Variants in SLF1 observed in about 807,000 individuals in gnomAD.
SLF1 encodes the protein SMC5/6 complex localization factor 1.
In SLF1, 105 loss-of-function variants were observed where a neutral mutation model predicts 123.0. The observed-to-expected ratio is 0.85, with a 90% CI of 0.73 to 1.00. The LOEUF (loss-of-function observed/expected upper bound fraction) is 1.00. Ranked by LOEUF, SLF1 falls within the 50% of genes least tolerant of loss-of-function variation. The pLI is 0.00. For synonymous variants in SLF1, 434 were observed against 406.6 expected, an observed-to-expected ratio of 1.07 and a Z score of -0.81; for missense variants, 1,239 against 1,223.0, an observed-to-expected ratio of 1.01 and a Z score of -0.20.
At position 94,689,361 on chromosome 5, in the gene SLF1, G is replaced by GT. The variant is rs1245704545; in HGVS notation, c.2286-111dup. ...TTAGAAAGCAGTAAAGATTGAATGA[G>GT]TAAGGGAGTTTAAATTAAAAGGGGG... On this transcript the variant is annotated intron_variant, in intron 17 of 20. Transcript: ENST00000265140. 71 of 1,112,724 alleles carry GT rather than the reference G, an allele frequency of 6.4e-5. No individual in the cohort carries two copies. The African/African-American group carries it at 9.4e-4, about 15-fold the overall frequency. The allele number at this position is 1,112,724 out of a possible 1,614,324, so 68.9% of individuals were successfully genotyped here. A position where few individuals can be genotyped will look rare whatever the true frequency, so the allele number is the denominator to read the frequency against.
At chr5:94,662,488 A>C in intron 10 of SLF1, 137 bp downstream of exon 10, 1 of 633,266 alleles carries the variant, frequency 1.6e-6, no homozygotes. Flanking sequence ...AAAGAAATAT[A>C]GCTTCTCTAA....
chr5:94,671,619 G>A lies in SLF1; in HGVS notation c.1827+611G>A, dbSNP rs796537864. Among the ~76,000 whole-genome samples the A allele has an allele frequency of 2.5e-4, 36 of 145,292 alleles. No homozygotes were observed. In the South Asian group the frequency reaches 3.3e-3, roughly 13 times the overall value. On this transcript the variant is annotated intron_variant, in intron 14 of 20. Transcript: ENST00000265140. ...GGAATTATATTATCTCCTTTTTTGC[G>A]TTACATCATTCATTTTGCTCTTTTC...
intron 4 of SLF1, among the ~76,000 whole-genome samples, chr5:94,631,719 C>T (rs1359295057): frequency 2.0e-5 from 3 of 152,126 alleles, no homozygotes; most frequent in African/African-American, 7.2e-5. Flanking sequence ...CATTTGGTTA[C>T]AAGTATTCAT....
chr5:94,666,499 G>A (rs553757257), intron 12 of SLF1, among the ~76,000 whole-genome samples: 2 of 152,212 alleles, frequency 1.3e-5, no homozygotes, highest in Admixed American at 1.3e-4. Flanking sequence ...TGCACATGCT[G>A]TCACTGCCTA....
intron 6 of SLF1, among the ~76,000 whole-genome samples, chr5:94,650,213 CT>C (rs1309697272): frequency 6.6e-6 from 1 of 151,972 alleles, no homozygotes; most frequent in Non-Finnish European, 1.5e-5. Context: ...ATAAAGCAGT[CT>C]ATTTGGTTAA....
At chr5:94,619,791 G>A (rs146274339) in intron 1 of SLF1, among the ~76,000 whole-genome samples, 1 of 152,288 alleles carries the variant, frequency 6.6e-6, no homozygotes, top group African/African-American at 2.4e-5. Context: ...TACGTATATT[G>A]CAGGTGTTCA....
intron 15 of SLF1, 48 bp downstream of exon 15, chr5:94,679,003 G>A (rs774258818): frequency 6.3e-7 from 1 of 1,591,492 alleles, no homozygotes; most frequent in South Asian, 1.1e-5. Flanking sequence ...CTGGAAATTA[G>A]TTTTGAATTT....
chr5:94,653,126 A>C (rs1460386411), intron 7 of SLF1, 146 bp from the exon 8 acceptor site: 1 of 675,410 alleles, frequency 1.5e-6, no homozygotes, highest in Non-Finnish European at 2.3e-6. Flanking sequence ...CAAAGTGCAG[A>C]GATTACAGGC....
chr5:94,636,929 A>G (rs557142473), intron 4 of SLF1, among the ~76,000 whole-genome samples: 2 of 152,114 alleles, frequency 1.3e-5, no homozygotes, highest in African/African-American at 4.8e-5. Flanking sequence ...CATGTTGGCC[A>G]GGTTGGTTTT....
At chr5:94,636,378 C>G (rs888714219) in intron 4 of SLF1, among the ~76,000 whole-genome samples, 2 of 152,064 alleles carry the variant, frequency 1.3e-5, no homozygotes, top group Admixed American at 6.6e-5. Context: ...GCTTTCTGGT[C>G]CCTTTCCTCT....
intron 17 of SLF1, 60 bp downstream of exon 17, chr5:94,688,729 C>A: frequency 6.4e-7 from 1 of 1,561,862 alleles, no homozygotes. Context: ...TTCTCTGATG[C>A]ATTTCTTGAA....
In SLF1 at chr5:94,653,361, A is replaced by G; in HGVS notation, c.972A>G (p.Lys324=). The G allele has an allele frequency of 1.3e-6, 2 of 1,531,856 alleles. No homozygotes were observed. Among genetic ancestry groups the G allele is most frequent in the Non-Finnish European group, 1.8e-6 (2 of 1,141,796 alleles). The allele number at this position is 1,531,856 out of a possible 1,614,324, so 94.9% of individuals were successfully genotyped here. Reference sequence around the variant, plus strand: ...AAGGAAAAGAAAGCAATTGCAAGAAAGGCGTTGAACATGAAAAAATAAAAA... The same window carrying G: ...AAGGAAAAGAAAGCAATTGCAAGAAGGGCGTTGAACATGAAAAAATAAAAA... The part of the protein sequence containing the change: ...RKKGKESNCK[K]GVEHEKIKST... The change falls in exon 8 of 21, where the codon AAA becomes AAG. Residue 324 remains lysine (K), a synonymous_variant. Coordinates refer to ENST00000265140, the MANE Select transcript of SLF1 (RefSeq NM_032290.4).
chr5:94,659,638 T>C (rs113296342), intron 9 of SLF1, among the ~76,000 whole-genome samples: 2 of 152,324 alleles, frequency 1.3e-5, no homozygotes, highest in South Asian at 4.1e-4. Context: ...TTAGGCTACA[T>C]TTGTTAGTGG....
At chr5:94,679,762 A>C (rs950865888) in intron 15 of SLF1, among the ~76,000 whole-genome samples, 7 of 152,218 alleles carry the variant, frequency 4.6e-5, no homozygotes, top group African/African-American at 1.7e-4. Context: ...CCCTAAAATA[A>C]AGGGAGGAAG....
chr5:94,679,588 T>C (rs1172119183), intron 15 of SLF1, among the ~76,000 whole-genome samples: 5 of 151,838 alleles, frequency 3.3e-5, no homozygotes, highest in African/African-American at 1.2e-4. Flanking sequence ...CAAGACCCTG[T>C]CTCTTTAAAA....
At chr5:94,641,062 G>A (rs896614322) in intron 4 of SLF1, among the ~76,000 whole-genome samples, 6 of 152,084 alleles carry the variant, frequency 3.9e-5, no homozygotes, top group Admixed American at 2.0e-4. Context: ...GATAGAGGCT[G>A]ATGTGAATAT....
At chr5:94,652,099 C>T (rs1747807658) in intron 7 of SLF1, among the ~76,000 whole-genome samples, 1 of 151,790 alleles carries the variant, frequency 6.6e-6, no homozygotes, top group African/African-American at 2.4e-5. Flanking sequence ...CCTCTGCCTC[C>T]TGGGTTCAAG....
intron 2 of SLF1, 73 bp from the exon 3 acceptor site, chr5:94,629,019 A>T: frequency 2.1e-6 from 3 of 1,402,026 alleles, no homozygotes; most frequent in Non-Finnish European, 2.9e-6. Flanking sequence ...TTGATATTGT[A>T]GCAATAAAAA....
intron 6 of SLF1, among the ~76,000 whole-genome samples, chr5:94,650,074 A>G (rs1747506113): frequency 6.6e-6 from 1 of 152,224 alleles, no homozygotes; most frequent in South Asian, 2.1e-4. Context: ...GTACCTCAAG[A>G]AAGCACATAT....
Sources: allele counts gnomAD v4.1 joint callset (sites outside exome capture counted in the v4.1 genomes callset), GRCh38; gene constraint gnomAD v4.1.1; transcripts MANE v1.5; gene names NCBI Gene and HGNC (gene_info 2026-07-23, HGNC 2026-07-21).